TOPBP1: variants seen among roughly 807,000 people sequenced by gnomAD.
TOPBP1 encodes the protein DNA topoisomerase II binding protein 1.
Under a neutral mutation model 167.7 loss-of-function variants are expected in TOPBP1, and 28 were observed. The observed-to-expected ratio is 0.17, with a 90% CI of 0.12 to 0.23. TOPBP1 has a LOEUF of 0.23. Ranked by LOEUF, TOPBP1 falls within the 10% of genes least tolerant of loss-of-function variation. TOPBP1 has a pLI of 1.00. For synonymous variants in TOPBP1, 598 were observed against 611.4 expected, an observed-to-expected ratio of 0.98 and a Z score of 0.32; for missense variants, 1,554 against 1,809.6, an observed-to-expected ratio of 0.86 and a Z score of 2.56.
chr3:133,633,430 T>C (rs751961232), intron 14 of TOPBP1, among the ~76,000 whole-genome samples: 17 of 152,214 alleles, frequency 1.1e-4, no homozygotes, highest in Non-Finnish European at 2.1e-4. Context: ...TCTTCTCTTA[T>C]AGCTCCTTCT....
chr3:133,620,431 T>A (rs767048486), intron 19 of TOPBP1, 84 bp from the exon 20 acceptor site: 2 of 1,378,012 alleles, frequency 1.5e-6, no homozygotes. Flanking sequence ...TTAGACCTGG[T>A]TGAACACAAA....
At position 133,637,940 on chromosome 3, in the gene TOPBP1, T is replaced by C; in HGVS notation, c.2456A>G (p.His819Arg). ...CAGGAATTTTGATGGTGTATCCAGG[T>C]GTAACGAGGGCTCCTTCTGAAGTGG... The part of the protein sequence containing the change: ...GQPLQKEPSL[H>R]LDTPSKFLSK... Residue 819 changes from histidine to arginine, a missense_variant, in exon 14 of 28, where the codon CAC becomes CGC. His to Arg is a conservative substitution (Grantham distance 29). Transcript: ENST00000260810. The C allele has an allele frequency of 6.2e-7, 1 of 1,613,972 alleles. No individual in the cohort carries two copies. The highest frequency in any genetic ancestry group is 8.5e-7 in the Non-Finnish European group (1 of 1,179,872).
chr3:133,604,946 T>G lies in TOPBP1; in HGVS notation c.4426-3553A>C, dbSNP rs77826026. On this transcript the variant is annotated intron_variant, in intron 27 of 27. Transcript: ENST00000260810. The stretch of plus-strand genomic sequence containing the variant: ...AAATAAAAATACAAAAAAAGAAAAC[T>G]CCAGTCCAGGTGGCTCATGCCTATA... 3.6e-3 allele frequency among the ~76,000 whole-genome samples: 544 copies of G among 151,008 alleles called. 7 individuals are homozygous for G. Among genetic ancestry groups the G allele is most frequent in the Middle Eastern group, 6.8e-3 (2 of 292 alleles).
At position 133,628,388 on chromosome 3, in the gene TOPBP1, G is replaced by A. The variant is rs375620402; in HGVS notation, c.2778C>T (p.Ile926=). The A allele has an allele frequency of 1.2e-4, 185 of 1,605,372 alleles. No individual in the cohort carries two copies. Among genetic ancestry groups the A allele is most frequent in the East Asian group, 2.0e-4 (9 of 44,736 alleles). The part of the protein sequence containing the change: ...LSKKQSELNG[I]AASLGADYRW... Reference sequence around the variant, plus strand: ...TGTAATCTGCTCCTAGAGAGGCTGCGATCCCATTTAGTTCACTCTGCTTCT... The same window carrying A: ...TGTAATCTGCTCCTAGAGAGGCTGCAATCCCATTTAGTTCACTCTGCTTCT... Residue 926 remains isoleucine, a synonymous_variant, in exon 16 of 28, where the codon ATC becomes ATT. Coordinates refer to ENST00000260810, the MANE Select transcript of TOPBP1 (RefSeq NM_007027.4).
At chr3:133,610,086 A>G (rs949320626) in intron 25 of TOPBP1, among the ~76,000 whole-genome samples, 1 of 152,230 alleles carries the variant, frequency 6.6e-6, no homozygotes, top group African/African-American at 2.4e-5. Flanking sequence ...ACAATAACTA[A>G]TATGGCTTTC....
rs1936737053 is a variant in TOPBP1, at chr3:133,661,916, G to T, written c.-155C>A. ...CCCAAAGCAAACGCTGGAGAACCCG[G>T]AAATTGCCCAGAACGGGAACCGACT... On this transcript the variant is annotated 5_prime_UTR_variant, in exon 1 of 28. Coordinates refer to ENST00000260810, the MANE Select transcript of TOPBP1 (RefSeq NM_007027.4). 1 of 152,256 alleles carries T rather than the reference G, an allele frequency of 6.6e-6. No homozygotes were observed. The highest frequency in any genetic ancestry group is 1.5e-5 in the Non-Finnish European group (1 of 68,062). The allele number at this position is 152,256 out of a possible 1,614,324, so 9.4% of individuals were successfully genotyped here.
intron 14 of TOPBP1, among the ~76,000 whole-genome samples, chr3:133,631,034 A>G (rs924688400): frequency 1.3e-5 from 2 of 152,124 alleles, no homozygotes; most frequent in Non-Finnish European, 2.9e-5. Flanking sequence ...TCTCCAAAAA[A>G]TACAATTAGC....
At chr3:133,615,229 G>C (rs2107776489) in intron 23 of TOPBP1, among the ~76,000 whole-genome samples, 1 of 152,100 alleles carries the variant, frequency 6.6e-6, no homozygotes, top group East Asian at 1.9e-4. Context: ...CAGCACTTTG[G>C]GAGGCCAAGG....
chr3:133,659,782 T>C (rs917473436), intron 2 of TOPBP1, among the ~76,000 whole-genome samples: 22 of 151,978 alleles, frequency 1.4e-4, no homozygotes, highest in Non-Finnish European at 2.5e-4. Flanking sequence ...ATATATAGTT[T>C]TTGTCTCTCT....
intron 5 of TOPBP1, 107 bp from the exon 6 acceptor site, chr3:133,655,593 T>A (rs746208709): frequency 7.8e-5 from 49 of 628,726 alleles, no homozygotes; most frequent in Non-Finnish European, 1.1e-4. Context: ...GGATTTATAA[T>A]CTTTTTTTTA....
chr3:133,661,531 G>A (rs1190225162), intron 1 of TOPBP1, among the ~76,000 whole-genome samples: 3 of 152,268 alleles, frequency 2.0e-5, no homozygotes, highest in Admixed American at 6.5e-5. Flanking sequence ...TATAAACATG[G>A]AAGCCAGTTA....
Position 133,628,667 on chromosome 3 carries a change from G to C in TOPBP1, c.2587C>G (p.Leu863Val). 6.3e-7 allele frequency: 1 copy of C among 1,575,858 alleles called. No homozygotes were observed. The highest frequency in any genetic ancestry group is 8.6e-7 in the Non-Finnish European group (1 of 1,159,560). Reference sequence around the variant, plus strand: ...AAGTTTTTGACAATAACTTCTGAGAGTGGCGTACTCGGTTTCCTTTTCTGT... The same window carrying C: ...AAGTTTTTGACAATAACTTCTGAGACTGGCGTACTCGGTTTCCTTTTCTGT... ...SQQKRKPSTP[L>V]SEVIVKNLQL... The change falls in exon 15 of 28, where the codon CTC becomes GTC. Residue 863 changes from leucine (L) to valine (V), a missense_variant. By Grantham distance (32) the Leu-to-Val change is conservative. Coordinates refer to ENST00000260810, the MANE Select transcript of TOPBP1 (RefSeq NM_007027.4).
At chr3:133,657,252 G>T (rs1253842720) in intron 4 of TOPBP1, among the ~76,000 whole-genome samples, 1 of 151,696 alleles carries the variant, frequency 6.6e-6, no homozygotes, top group East Asian at 1.9e-4. Context: ...GCTGAGGCAT[G>T]AAGATTACTT....
chr3:133,642,163 T>TA (rs1264200410), intron 12 of TOPBP1, among the ~76,000 whole-genome samples: 6 of 152,028 alleles, frequency 3.9e-5, no homozygotes, highest in African/African-American at 1.4e-4. Flanking sequence ...CTCATTTTTT[T>TA]TTATTATTTT....
chr3:133,628,497 G>C (rs776764175), intron 15 of TOPBP1, 26 bp from the exon 16 acceptor site: 2 of 1,606,076 alleles, frequency 1.2e-6, no homozygotes, highest in East Asian at 2.2e-5. Flanking sequence ...AAAAGAAACA[G>C]ATCAGTCATT....
chr3:133,644,680 T>C (rs1936020050), intron 10 of TOPBP1, among the ~76,000 whole-genome samples: 1 of 152,182 alleles, frequency 6.6e-6, no homozygotes, highest in Non-Finnish European at 1.5e-5. Flanking sequence ...GTTTAGATGA[T>C]TCACCATAAA....
At chr3:133,631,257 GTA>G (rs1385312271) in intron 14 of TOPBP1, among the ~76,000 whole-genome samples, 1 of 152,114 alleles carries the variant, frequency 6.6e-6, no homozygotes, top group Non-Finnish European at 1.5e-5. Context: ...AATTACAAAC[GTA>G]TTTTCAGATG....
At chr3:133,641,333 A>G (rs1935884014) in intron 12 of TOPBP1, among the ~76,000 whole-genome samples, 1 of 152,140 alleles carries the variant, frequency 6.6e-6, no homozygotes, top group African/African-American at 2.4e-5. Context: ...ACGTAACCAC[A>G]CTGTTATTTA....
At chr3:133,641,231 T>A (rs944057337) in intron 12 of TOPBP1, among the ~76,000 whole-genome samples, 2 of 152,242 alleles carry the variant, frequency 1.3e-5, no homozygotes, top group Non-Finnish European at 2.9e-5. Flanking sequence ...GTCTTCCTTA[T>A]ATATATTTGA....
Sources: gnomAD v4.1 joint callset for allele counts (sites outside exome capture counted in the v4.1 genomes callset) on GRCh38, gnomAD v4.1.1 for gene constraint, MANE v1.5 for transcripts, NCBI Gene and HGNC (gene_info 2026-07-23, HGNC 2026-07-21) for gene names.